MPDZ: variants seen among roughly 807,000 people sequenced by gnomAD.
MPDZ encodes multiple PDZ domain crumbs cell polarity complex component.
A neutral mutation model predicts 239.1 loss-of-function variants in MPDZ; 234 were observed. The ratio of observed to expected loss-of-function variants is 0.98; its 90% CI spans 0.88 to 1.09. MPDZ has a LOEUF of 1.09. Among genes scored for constraint, MPDZ ranks in the 50% least tolerant of loss-of-function variants. The probability of loss-of-function intolerance (pLI) is 0.00; values close to 1 mark genes in which losing one functional copy is unlikely to be tolerated. For synonymous variants in MPDZ, 1,048 were observed against 881.3 expected (o/e 1.19, Z -3.35); for missense variants, 3,175 against 2,510.0 (o/e 1.26, Z -5.66).
At chr9:13,261,641 CTT>C (rs1970712751) in intron 1 of MPDZ, among the ~76,000 whole-genome samples, 1 of 152,106 alleles carries the variant, frequency 6.6e-6, no homozygotes, top group African/African-American at 2.4e-5. Flanking sequence ...AGCTCCTACA[CTT>C]GATGGGTGAA....
chr9:13,110,665 T>G lies in MPDZ; in HGVS notation c.5800A>C (p.Lys1934Gln). Residue 1934 changes from lysine (K) to glutamine (Q), a missense_variant, in exon 44 of 47, where the codon AAA becomes CAA. Physicochemically the swap from Lys to Gln is moderately conservative, Grantham distance 53. Transcript: ENST00000319217. ...MTHTQAVNLL[K>Q]NASGSIEMQV... ...ATTTCAATGGAGCCAGATGCATTTT[T>G]CAGTAGGTTAACTGCTTGGGTGTGA... 6.2e-7 allele frequency: 1 copy of G among 1,613,758 alleles called. No individual in the cohort carries two copies.
At chr9:13,236,865 CCT>C (rs1291329648) in intron 3 of MPDZ, among the ~76,000 whole-genome samples, 4 of 148,268 alleles carry the variant, frequency 2.7e-5, no homozygotes, top group African/African-American at 7.5e-5. Context: ...TTACCTCTCC[CCT>C]GAGTTTCCAC....
chr9:13,172,937 A>C (rs10960961), intron 21 of MPDZ, among the ~76,000 whole-genome samples: 1 of 152,254 alleles, frequency 6.6e-6, no homozygotes. Context: ...GTATACATAC[A>C]ATGGAATATT....
At chr9:13,209,815 C>A (rs1187586927) in intron 10 of MPDZ, among the ~76,000 whole-genome samples, 1 of 151,872 alleles carries the variant, frequency 6.6e-6, no homozygotes, top group Admixed American at 6.6e-5. Flanking sequence ...TTAAGTACTG[C>A]AAAAACAAAG....
In MPDZ at chr9:13,137,947, A is replaced by T; in HGVS notation, c.4200+10T>A. 2 of 1,613,230 alleles carry T rather than the reference A, an allele frequency of 1.2e-6. No individual in the cohort carries two copies. The highest frequency in any genetic ancestry group is 1.1e-5 in the South Asian group (1 of 90,940). ...CAAGAATAAATTCAAAATTTTCCAC[A>T]AAAACTTACCTCTAGAAGCTCATCT... On this transcript the variant is annotated intron_variant, in intron 29 of 46. Transcript: ENST00000319217.
intron 19 of MPDZ, among the ~76,000 whole-genome samples, chr9:13,177,899 TTG>T (rs1362976664): frequency 6.6e-6 from 1 of 152,188 alleles, no homozygotes; most frequent in Non-Finnish European, 1.5e-5. Flanking sequence ...TTCTACATCT[TTG>T]TCCACATGTG....
At chr9:13,136,587 A>G (rs1946850213) in intron 30 of MPDZ, 125 bp downstream of exon 30, 3 of 670,256 alleles carry the variant, frequency 4.5e-6, no homozygotes, top group Admixed American at 2.6e-5. Context: ...CAGCCTCCCA[A>G]AGTGCTGGGA....
chr9:13,184,195 A>G (rs1953768550), intron 18 of MPDZ, among the ~76,000 whole-genome samples: 2 of 152,050 alleles, frequency 1.3e-5, no homozygotes, highest in South Asian at 4.1e-4. Context: ...GAAAACTCAT[A>G]AAGAGTGAGA....
intron 12 of MPDZ, among the ~76,000 whole-genome samples, chr9:13,202,051 T>C (rs1956446289): frequency 6.6e-6 from 1 of 152,192 alleles, no homozygotes; most frequent in Non-Finnish European, 1.5e-5. Flanking sequence ...ACATTGATGA[T>C]GGTTCATTTG....
rs565391371 is a variant in MPDZ at position 13,176,318 on chromosome 9, G to T, written c.2749C>A (p.Pro917Thr). 3 of 1,609,602 alleles carry T rather than the reference G, an allele frequency of 1.9e-6. No individual in the cohort carries two copies. In the East Asian group the frequency reaches 6.7e-5, roughly 36 times the overall value. The change falls in exon 20 of 47, where the codon CCT (proline) becomes ACT (threonine). Residue 917 changes from proline (P) to threonine (T), a missense_variant. Physicochemically the swap from Pro to Thr is conservative, Grantham distance 38. Transcript: ENST00000319217. ...NLLQRQDENT[P>T]SVDISMGPAS... The stretch of plus-strand genomic sequence containing the variant: ...GGCCCCATACTTATGTCCACCGAAG[G>T]TGTATTCTCATCCTGTCTTTGCAGG...
In MPDZ at chr9:13,223,679, T is replaced by G; in HGVS notation, c.425A>C (p.Lys142Thr). 6.2e-7 allele frequency: 1 copy of G among 1,609,672 alleles called. No individual in the cohort carries two copies. Among genetic ancestry groups the G allele is most frequent in the Admixed American group, 1.7e-5 (1 of 59,280 alleles). The change falls in exon 5 of 47, where the codon AAA (lysine) becomes ACA (threonine). Residue 142 changes from lysine to threonine, a missense_variant. By Grantham distance (78) the Lys-to-Thr change is moderately conservative. Transcript: ENST00000319217. ...GRHVEVFELL[K>T]PPSGGLGFSV... ...AAACCCAAGGCCTCCAGATGGAGGT[T>G]TGAGGAGCTCAAAAACTTCTACATG...
chr9:13,221,119 G>T (rs559579947), intron 7 of MPDZ, among the ~76,000 whole-genome samples: 4 of 151,904 alleles, frequency 2.6e-5, no homozygotes. Context: ...CATAACCTTG[G>T]CTTTAGTCTG....
At position 13,106,901 on chromosome 9, in the gene MPDZ, A is replaced by C. The variant is rs889136025; in HGVS notation, c.*64T>G. ...ACACAGCATAAAAATTGTCAGGACC[A>C]GTGCATTCTCTTTACAGTAGGAGGT... On this transcript the variant is annotated 3_prime_UTR_variant, in exon 47 of 47. Coordinates refer to ENST00000319217, the MANE Select transcript of MPDZ (RefSeq NM_001378778.1). 4 of 1,563,772 alleles carry C rather than the reference A, an allele frequency of 2.6e-6. No homozygotes were observed. The African/African-American group carries it at 5.4e-5, about 21-fold the overall frequency.
intron 10 of MPDZ, among the ~76,000 whole-genome samples, chr9:13,208,863 A>T (rs148462142): frequency 6.6e-6 from 1 of 152,100 alleles, no homozygotes; most frequent in Non-Finnish European, 1.5e-5. Context: ...TGACTTGAAC[A>T]TAAGTATCTG....
At chr9:13,253,128 C>A (rs1179533676) in intron 1 of MPDZ, among the ~76,000 whole-genome samples, 1 of 151,624 alleles carries the variant, frequency 6.6e-6, no homozygotes, top group East Asian at 1.9e-4. Context: ...GTAGGCAGTT[C>A]CTAATTGAGA....
chr9:13,155,964 G>C (rs963137962), intron 24 of MPDZ, among the ~76,000 whole-genome samples: 1 of 152,152 alleles, frequency 6.6e-6, no homozygotes, highest in African/African-American at 2.4e-5. Flanking sequence ...TCTTAGGATT[G>C]CATGAAGGTT....
intron 22 of MPDZ, among the ~76,000 whole-genome samples, chr9:13,166,280 C>G (rs1257462124): frequency 6.6e-6 from 1 of 152,124 alleles, no homozygotes; most frequent in Non-Finnish European, 1.5e-5. Flanking sequence ...TAATTCTAAA[C>G]CTTTTGCTTC....
intron 1 of MPDZ, among the ~76,000 whole-genome samples, chr9:13,260,953 A>T (rs1485552765): frequency 6.6e-6 from 1 of 152,192 alleles, no homozygotes; most frequent in African/African-American, 2.4e-5. Context: ...GCTATCATGT[A>T]CTATGCTTCG....
chr9:13,188,380 T>C (rs1016626401), intron 17 of MPDZ, among the ~76,000 whole-genome samples: 2 of 151,796 alleles, frequency 1.3e-5, no homozygotes, highest in Non-Finnish European at 2.9e-5. Context: ...TAGCCAGGCA[T>C]GGTCGTGGCT....
Sources: allele counts gnomAD v4.1 joint callset (sites outside exome capture counted in the v4.1 genomes callset), GRCh38; gene constraint gnomAD v4.1.1; transcripts MANE v1.5; gene names NCBI Gene and HGNC (gene_info 2026-07-23, HGNC 2026-07-21).